The following GPHN variants were observed in gnomAD, a reference collection of about 807,000 sequenced individuals.
The protein encoded by GPHN is gephyrin.
GPHN carries 17 observed loss-of-function variants against 95.5 expected under a neutral mutation model. That is an observed-to-expected ratio of 0.18 (90% CI 0.12 to 0.27). The LOEUF (loss-of-function observed/expected upper bound fraction) is 0.27, where lower values mean the gene tolerates loss of function less well. Ranked by LOEUF, GPHN falls within the 10% of genes least tolerant of loss-of-function variation. The pLI, the probability that GPHN is intolerant of heterozygous loss-of-function variation, is 1.00. For synonymous variants in GPHN, 320 were observed against 322.5 expected, an observed-to-expected ratio of 0.99 and a Z score of 0.08; for missense variants, 660 against 978.1, an observed-to-expected ratio of 0.67 and a Z score of 4.34.
intron 2 of GPHN, among the ~76,000 whole-genome samples, chr14:66,692,659 A>G (rs1476351368): frequency 6.6e-6 from 1 of 152,166 alleles, no homozygotes; most frequent in Non-Finnish European, 1.5e-5. Flanking sequence ...CCATTTTTAT[A>G]TGACCATTGG....
chr14:67,308,546 CTTT>C, the GPHN span, among the ~76,000 whole-genome samples: 5 of 131,826 alleles, frequency 3.8e-5, no homozygotes, highest in Non-Finnish European at 3.2e-5. Context: ...TTTTCTTTTT[CTTT>C]TTTTTTTTTT....
intron 2 of GPHN, among the ~76,000 whole-genome samples, chr14:66,738,693 A>G (rs1461406547): frequency 6.6e-6 from 1 of 152,172 alleles, no homozygotes; most frequent in Non-Finnish European, 1.5e-5. Flanking sequence ...CTAAGTAAAT[A>G]AACTTAAATA....
At chr14:66,986,316 C>A (rs2071026874) in intron 9 of GPHN, among the ~76,000 whole-genome samples, 1 of 152,008 alleles carries the variant, frequency 6.6e-6, no homozygotes. Context: ...TCTTAATCCC[C>A]TCTGTTTTAT....
At chr14:67,010,899 A>T (rs2072960292) in intron 9 of GPHN, among the ~76,000 whole-genome samples, 2 of 152,292 alleles carry the variant, frequency 1.3e-5, no homozygotes, top group African/African-American at 4.8e-5. Flanking sequence ...GGAAAAAAAT[A>T]ATGAAAAAAA....
At chr14:66,686,039 C>G (rs1206755713) in intron 2 of GPHN, among the ~76,000 whole-genome samples, 1 of 152,166 alleles carries the variant, frequency 6.6e-6, no homozygotes, top group Non-Finnish European at 1.5e-5. Context: ...TCAGGTTTGT[C>G]AAAGATCAGA....
chr14:66,799,790 A>AT (rs1303775014), intron 3 of GPHN, among the ~76,000 whole-genome samples: 1 of 151,830 alleles, frequency 6.6e-6, no homozygotes, highest in East Asian at 1.9e-4. Flanking sequence ...TAATGGAAGC[A>AT]TTTAGTGTAA....
intron 13 of GPHN, among the ~76,000 whole-genome samples, chr14:67,109,474 C>T (rs1165871300): frequency 6.6e-6 from 1 of 152,090 alleles, no homozygotes; most frequent in Non-Finnish European, 1.5e-5. Flanking sequence ...CTTATACCAT[C>T]AATATGAGAG....
the GPHN span, among the ~76,000 whole-genome samples, chr14:67,217,078 C>T: frequency 4.6e-5 from 7 of 152,078 alleles, no homozygotes; most frequent in African/African-American, 1.4e-4. Context: ...CTTTATAAAT[C>T]TGGGTGCTCC....
chr14:66,985,537 G>A (rs1012835918), intron 9 of GPHN: 19 of 584,914 alleles, frequency 3.2e-5, no homozygotes, highest in Non-Finnish European at 5.7e-5. Context: ...TACAGCCTCT[G>A]GGTTAGTTAA....
intron 1 of GPHN, among the ~76,000 whole-genome samples, chr14:66,656,242 G>A (rs1351667814): frequency 1.3e-5 from 2 of 152,124 alleles, no homozygotes; most frequent in African/African-American, 4.8e-5. Flanking sequence ...TTTTGGAGGA[G>A]TTTTAAAATA....
chr14:67,091,818 A>T (rs1482638995), intron 12 of GPHN, among the ~76,000 whole-genome samples: 2 of 151,338 alleles, frequency 1.3e-5, no homozygotes, highest in Non-Finnish European at 3.0e-5. Context: ...TATCCTATTT[A>T]TGCTTTTGTT....
At chr14:67,457,781 A>G in the GPHN span, among the ~76,000 whole-genome samples, 2 of 152,250 alleles carry the variant, frequency 1.3e-5, no homozygotes, top group South Asian at 2.1e-4. Context: ...TCTCTTTGGA[A>G]AAGTCCAGCC....
At chr14:67,337,105 G>A in the GPHN span, among the ~76,000 whole-genome samples, 1 of 152,188 alleles carries the variant, frequency 6.6e-6, no homozygotes, top group Non-Finnish European at 1.5e-5. Context: ...TCTTATGGTT[G>A]TTGTAATGAA....
chr14:66,754,987 A>G (rs2058507705), intron 2 of GPHN, among the ~76,000 whole-genome samples: 1 of 151,942 alleles, frequency 6.6e-6, no homozygotes, highest in East Asian at 1.9e-4. Context: ...CCTGCACTCA[A>G]ATAAAACATT....
intron 4 of GPHN, among the ~76,000 whole-genome samples, chr14:66,836,823 G>A (rs919625241): frequency 5.9e-5 from 9 of 152,072 alleles, no homozygotes; most frequent in African/African-American, 2.2e-4. Flanking sequence ...CATTTATGCA[G>A]CCAGAAAACA....
At chr14:66,558,772 A>G (rs543523117) in intron 1 of GPHN, among the ~76,000 whole-genome samples, 1 of 151,906 alleles carries the variant, frequency 6.6e-6, no homozygotes, top group East Asian at 1.9e-4. Flanking sequence ...GTTTTAGGGT[A>G]CCTGTGCACA....
At chr14:66,533,748 G>C (rs78413198) in intron 1 of GPHN, among the ~76,000 whole-genome samples, 2 of 152,208 alleles carry the variant, frequency 1.3e-5, no homozygotes, top group Non-Finnish European at 2.9e-5. Context: ...GCATGCAGTT[G>C]TCTGATTTTA....
At chr14:67,478,131 G>A in the GPHN span, among the ~76,000 whole-genome samples, 2 of 152,226 alleles carry the variant, frequency 1.3e-5, no homozygotes, top group Non-Finnish European at 2.9e-5. Flanking sequence ...GTTGGCAGAC[G>A]GCTGGGGCAG....
the GPHN span, among the ~76,000 whole-genome samples, chr14:67,518,664 C>T: frequency 6.6e-6 from 1 of 152,186 alleles, no homozygotes; most frequent in Non-Finnish European, 1.5e-5. Flanking sequence ...GCCCTTCCCC[C>T]AAAGGAAACC....
Sources: gnomAD v4.1 joint callset for allele counts (sites outside exome capture counted in the v4.1 genomes callset) on GRCh38, gnomAD v4.1.1 for gene constraint, MANE v1.5 for transcripts, NCBI Gene and HGNC (gene_info 2026-07-23, HGNC 2026-07-21) for gene names.